The following SVIL variants were observed in gnomAD, a reference collection of about 807,000 sequenced individuals.
SVIL encodes archvillin.
Under a neutral mutation model 240.4 loss-of-function variants are expected in SVIL, and 101 were observed. The ratio of observed to expected loss-of-function variants is 0.42; its 90% confidence interval spans 0.36 to 0.50. The LOEUF is 0.50. Ranked by LOEUF, SVIL falls within the 20% of genes least tolerant of loss-of-function variation. The pLI is 0.01. For synonymous variants in SVIL, 999 were observed against 1,100.0 expected (o/e 0.91, Z 1.82); for missense variants, 2,512 against 2,818.7 (o/e 0.89, Z 2.46).
chr10:29,464,889 C>G (rs972626737), intron 34 of SVIL, among the ~76,000 whole-genome samples: 1 of 152,184 alleles, frequency 6.6e-6, no homozygotes, highest in African/African-American at 2.4e-5. Context: ...CAAGCCCAGT[C>G]TCTTGTTACT....
intron 1 of SVIL, among the ~76,000 whole-genome samples, chr10:29,614,721 T>C (rs961024213): frequency 6.6e-6 from 1 of 152,152 alleles, no homozygotes; most frequent in African/African-American, 2.4e-5. Flanking sequence ...AATGATGAGT[T>C]AATGGGTTCA....
chr10:29,516,842 T>C (rs1438522728), intron 16 of SVIL, among the ~76,000 whole-genome samples: 1 of 152,190 alleles, frequency 6.6e-6, no homozygotes, highest in East Asian at 1.9e-4. Flanking sequence ...CTGAGAACCC[T>C]GCTTGTTGAG....
intron 1 of SVIL, among the ~76,000 whole-genome samples, chr10:29,723,333 T>C (rs1013327524): frequency 7.2e-5 from 11 of 152,246 alleles, no homozygotes; most frequent in African/African-American, 2.7e-4. Flanking sequence ...TGAGCTGGGA[T>C]CGTGCTATTG....
At chr10:29,670,130 A>G (rs1370133637) in intron 2 of SVIL, among the ~76,000 whole-genome samples, 6 of 152,034 alleles carry the variant, frequency 3.9e-5, no homozygotes, top group African/African-American at 9.7e-5. Context: ...AAAAAAAGAT[A>G]AAGAAAAGGT....
chr10:29,662,563 A>T (rs1694675258), intron 2 of SVIL, among the ~76,000 whole-genome samples: 1 of 152,166 alleles, frequency 6.6e-6, no homozygotes, highest in East Asian at 1.9e-4. Context: ...GAGTAGTTCC[A>T]GGCATCCATC....
chr10:29,512,387 T>C (rs549248525), intron 17 of SVIL, among the ~76,000 whole-genome samples: 1 of 152,318 alleles, frequency 6.6e-6, no homozygotes, highest in South Asian at 2.1e-4. Context: ...CTTAAAGATA[T>C]TAGTGGTGAA....
chr10:29,658,642 G>C (rs998664971), intron 2 of SVIL, among the ~76,000 whole-genome samples: 1 of 152,148 alleles, frequency 6.6e-6, no homozygotes, highest in Non-Finnish European at 1.5e-5. Flanking sequence ...TGTGCTCCCA[G>C]CTACATGGGA....
intron 12 of SVIL, among the ~76,000 whole-genome samples, chr10:29,528,294 G>A (rs553733629): frequency 2.6e-5 from 4 of 152,268 alleles, no homozygotes; most frequent in East Asian, 1.9e-4. Flanking sequence ...AGGAACTGTA[G>A]GCAGCTGATC....
chr10:29,661,099 G>A (rs1164732759), intron 2 of SVIL, among the ~76,000 whole-genome samples: 1 of 143,174 alleles, frequency 7.0e-6, no homozygotes, highest in Non-Finnish European at 1.6e-5. Context: ...CCAGGGAGTC[G>A]GAGGTTGCAG....
chr10:29,560,556 C>A (rs902370624), intron 3 of SVIL, among the ~76,000 whole-genome samples: 4 of 152,164 alleles, frequency 2.6e-5, no homozygotes, highest in African/African-American at 7.2e-5. Flanking sequence ...GAAAAAGTAA[C>A]AACCACTTTA....
chr10:29,721,612 G>A (rs1432706290), intron 1 of SVIL, among the ~76,000 whole-genome samples: 1 of 151,826 alleles, frequency 6.6e-6, no homozygotes, highest in Non-Finnish European at 1.5e-5. Context: ...CTGGTCTAAA[G>A]AAGGTCATTT....
chr10:29,672,432 CCGCTGT>C (rs144455065), intron 2 of SVIL, among the ~76,000 whole-genome samples: 3,934 of 151,886 alleles, frequency 0.026, 169 homozygotes, highest in African/African-American at 0.091. Context: ...CGTGATCACA[CCGCTGT>C]GCTTCAGCCT....
At chr10:29,700,016 G>A (rs772062521) in intron 1 of SVIL, among the ~76,000 whole-genome samples, 5 of 152,152 alleles carry the variant, frequency 3.3e-5, no homozygotes, top group Non-Finnish European at 7.3e-5. Context: ...GGACAGAATT[G>A]GTTTTTTTCT....
chr10:29,575,910 C>G (rs1412952583), intron 1 of SVIL, among the ~76,000 whole-genome samples: 1 of 151,976 alleles, frequency 6.6e-6, no homozygotes, highest in Non-Finnish European at 1.5e-5. Flanking sequence ...TCATTGAGGT[C>G]TAAATACAGA....
At chr10:29,468,157 A>G (rs758000229) in intron 32 of SVIL, among the ~76,000 whole-genome samples, 2 of 152,164 alleles carry the variant, frequency 1.3e-5, no homozygotes, top group Non-Finnish European at 2.9e-5. Context: ...AGAATCCACT[A>G]ATCTACTCCT....
chr10:29,579,257 G>A (rs1458398800), intron 1 of SVIL, among the ~76,000 whole-genome samples: 1 of 152,032 alleles, frequency 6.6e-6, no homozygotes, highest in African/African-American at 2.4e-5. Context: ...CTAACGCGGT[G>A]AAACCCCCTC....
chr10:29,470,394 T>G lies in SVIL; in HGVS notation c.5725A>C (p.Arg1909=). The G allele has an allele frequency of 1.2e-6, 2 of 1,614,242 alleles. No homozygotes were observed. The highest frequency in any genetic ancestry group is 1.3e-5 in the African/African-American group (1 of 75,072). ...ACGTTAAGCACCACCATGGAAGTTCTGGACCTCAGGCTGCTACAGTGACAG... is the reference window on the plus strand; with the variant it reads ...ACGTTAAGCACCACCATGGAAGTTCGGGACCTCAGGCTGCTACAGTGACAG... The part of the protein sequence containing the change: ...VACHCSSLRS[R]TSMVVLNVNK... Residue 1909 remains arginine, a synonymous_variant, in exon 32 of 38, where the codon AGA becomes CGA. Transcript: ENST00000355867.
At chr10:29,699,294 C>G (rs1165546346) in intron 1 of SVIL, among the ~76,000 whole-genome samples, 1 of 151,940 alleles carries the variant, frequency 6.6e-6, no homozygotes, top group Non-Finnish European at 1.5e-5. Context: ...ATGACCACCT[C>G]TTTTTGTTTG....
chr10:29,665,651 A>C (rs1419009852), intron 2 of SVIL, among the ~76,000 whole-genome samples: 1 of 152,058 alleles, frequency 6.6e-6, no homozygotes. Context: ...AAAATTAGCC[A>C]GGCATGGTGG....
Sources: gnomAD v4.1 joint callset for allele counts (sites outside exome capture counted in the v4.1 genomes callset) on GRCh38, gnomAD v4.1.1 for gene constraint, MANE v1.5 for transcripts, NCBI Gene and HGNC (gene_info 2026-07-23, HGNC 2026-07-21) for gene names.